Variants in NCS1 observed in about 807,000 individuals in gnomAD.
NCS1 encodes the protein frequenin homolog.
Under a neutral mutation model 28.4 loss-of-function variants are expected in NCS1, and 6 were observed. That is an observed-to-expected ratio of 0.21 (90% CI 0.12 to 0.42). The LOEUF is 0.42. NCS1 is among the 10% of genes least tolerant of loss of function. NCS1 has a pLI of 1.00. For synonymous variants in NCS1, 86 were observed against 99.3 expected, an observed-to-expected ratio of 0.87 and a Z score of 0.79; for missense variants, 131 against 241.4, an observed-to-expected ratio of 0.54 and a Z score of 3.03.
rs185725808 is a variant in NCS1 at position 130,200,437 on chromosome 9, C to T, written c.65-521C>T. On this transcript the variant is annotated intron_variant, in intron 1 of 7. Transcript: ENST00000372398. ...CCAGTGAAAGAGCCCGGGCTGACCA[C>T]AGAGAGGGGCTGCAGGGACAGGCTG... 462 of 771,692 alleles carry T rather than the reference C, an allele frequency of 6.0e-4. 3 individuals are homozygous for T. In the East Asian group the frequency reaches 0.011, roughly 18 times the overall value. The allele number at this position is 771,692 out of a possible 1,614,324, so 47.8% of individuals were successfully genotyped here.
intron 2 of NCS1, among the ~76,000 whole-genome samples, chr9:130,216,705 G>A (rs1461547770): frequency 6.8e-6 from 1 of 147,816 alleles, no homozygotes; most frequent in African/African-American, 2.5e-5. Flanking sequence ...GACACAGTGA[G>A]ACTCTGTCTC....
At position 130,221,211 on chromosome 9, in the gene NCS1, A is replaced by T. The variant is rs539196991; in HGVS notation, c.307+1408A>T. 1.1e-4 allele frequency among the ~76,000 whole-genome samples: 16 copies of T among 151,162 alleles called. No individual in the cohort carries two copies. In the South Asian group the frequency reaches 1.9e-3, roughly 18 times the overall value. ...GCTAATTTTTGTGTTTTTAGTAGAA[A>T]TGGGGTTTCGCCATGTTGGCCAGGC... is the stretch of plus-strand genomic sequence containing the variant. On this transcript the variant is annotated intron_variant, in intron 4 of 7. Transcript: ENST00000372398.
At position 130,221,407 on chromosome 9, in the gene NCS1, TATATATAGAGAG is replaced by T. The variant is rs1380726074; in HGVS notation, c.308-1241_308-1230del. Among the ~76,000 whole-genome samples the T allele has an allele frequency of 6.3e-3, 270 of 42,642 alleles. 1 individual carries two copies. The highest frequency in any genetic ancestry group is 0.019 in the East Asian group (34 of 1,784). The allele number at this position is 42,642 out of a possible 152,430, so 28.0% of individuals were successfully genotyped here. ...ATATATATATATATATATATATATATATATATAGAGAGAGAGAGAGAGAGAGAGAGAGAGAGA... is the reference window on the plus strand; with the variant it reads ...ATATATATATATATATATATATATATAGAGAGAGAGAGAGAGAGAGAGAGA... On this transcript the variant is annotated intron_variant, in intron 4 of 7. Transcript: ENST00000372398.
Position 130,235,616 on chromosome 9 carries a change from C to T in NCS1, c.*2644C>T, listed in dbSNP as rs562427418. The T allele has an allele frequency of 2.0e-5, 3 of 152,482 alleles. No homozygotes were observed. The highest frequency in any genetic ancestry group is 1.9e-4 in the East Asian group (1 of 5,174). The allele number at this position is 152,482 out of a possible 1,614,324, so 9.4% of individuals were successfully genotyped here. ...CCAGCATGCCGGTGGGCCCACAGCCCGAGCCAGCCCAGAGCTGCCGGAAGG... is the reference window on the plus strand; with the variant it reads ...CCAGCATGCCGGTGGGCCCACAGCCTGAGCCAGCCCAGAGCTGCCGGAAGG... On this transcript the variant is annotated 3_prime_UTR_variant, in exon 8 of 8. Transcript: ENST00000372398.
chr9:130,189,661 G>A (rs1454671658), intron 1 of NCS1, among the ~76,000 whole-genome samples: 2 of 151,792 alleles, frequency 1.3e-5, no homozygotes. Flanking sequence ...AGTCAACATG[G>A]TGAAACCCTG....
In NCS1 at chr9:130,185,804, C is replaced by T. The variant is rs76547616; in HGVS notation, c.64+13077C>T. Among the ~76,000 whole-genome samples, 763 of 152,388 alleles carry T rather than the reference C, an allele frequency of 5.0e-3. 9 individuals carry two copies. The highest frequency in any genetic ancestry group is 0.017 in the African/African-American group (702 of 41,600). ...CTTGCCCCTCGGCCAGTGGCCCCACCACCCCCTGCGCGCCCAGCAGCCCAC... is the reference window on the plus strand; with the variant it reads ...CTTGCCCCTCGGCCAGTGGCCCCACTACCCCCTGCGCGCCCAGCAGCCCAC... On this transcript the variant is annotated intron_variant, in intron 1 of 7. Coordinates refer to ENST00000372398, the MANE Select transcript of NCS1 (RefSeq NM_014286.4).
intron 4 of NCS1, among the ~76,000 whole-genome samples, chr9:130,222,103 T>TAA (rs1833335002): frequency 3.3e-5 from 2 of 61,172 alleles, no homozygotes; most frequent in African/African-American, 6.0e-5. Context: ...TGTGTGTGTA[T>TAA]ATATATATAC....
intron 4 of NCS1, among the ~76,000 whole-genome samples, chr9:130,221,809 A>C (rs1421587481): frequency 8.1e-6 from 1 of 124,136 alleles, no homozygotes. Flanking sequence ...ATATATATAC[A>C]TAAATATAAA....
chr9:130,208,577 A>G (rs782812755), intron 2 of NCS1, among the ~76,000 whole-genome samples: 3 of 152,280 alleles, frequency 2.0e-5, no homozygotes, highest in Non-Finnish European at 2.9e-5. Flanking sequence ...GCCTGACTCT[A>G]CAATGGGTTT....
chr9:130,228,674 T>TC (rs1385663211), intron 7 of NCS1, among the ~76,000 whole-genome samples: 12 of 151,030 alleles, frequency 7.9e-5, no homozygotes, highest in East Asian at 3.9e-4. Flanking sequence ...TTTCTTTCTT[T>TC]TTTTTTTTTT....
intron 1 of NCS1, among the ~76,000 whole-genome samples, chr9:130,178,842 C>CTCCCTTCTT (rs1554904880): frequency 8.6e-5 from 1 of 11,580 alleles, no homozygotes; most frequent in African/African-American, 4.0e-4. Flanking sequence ...TTTCCCTCCC[C>CTCCCTTCTT]TCCCCTCCCC....
At chr9:130,231,117 G>A (rs1377799126) in intron 7 of NCS1, among the ~76,000 whole-genome samples, 9 of 152,018 alleles carry the variant, frequency 5.9e-5, no homozygotes, top group East Asian at 1.9e-4. Context: ...TTGGGAGGTC[G>A]AGCTGTGTGG....
Position 130,226,982 on chromosome 9 carries a change from C to T in NCS1, c.*17+478C>T, listed in dbSNP as rs1833424583. ...AGATTGCAGTGAGCCGAGATCGTGC[C>T]ACTGCACTCCAGCCTGGGTAACAGA... On this transcript the variant is annotated intron_variant, in intron 7 of 7. Coordinates refer to ENST00000372398, the MANE Select transcript of NCS1 (RefSeq NM_014286.4). This position sits in a 1 kb window ranked among gnomAD's most constrained non-coding sequence, Gnocchi z 4.8. Among the ~76,000 whole-genome samples, 1 of 143,242 alleles carries T rather than the reference C, an allele frequency of 7.0e-6. No individual in the cohort carries two copies. The highest frequency in any genetic ancestry group is 1.5e-5 in the Non-Finnish European group (1 of 67,038). 94.0% of individuals were successfully genotyped at this position (143,242 alleles called of 152,430 possible).
intron 2 of NCS1, among the ~76,000 whole-genome samples, chr9:130,213,347 G>A (rs1232225068): frequency 3.3e-5 from 5 of 151,890 alleles, no homozygotes; most frequent in African/African-American, 4.8e-5. Flanking sequence ...GCGTGATCTC[G>A]GCTCACTGCA....
At chr9:130,185,437 AG>A (rs1554905538) in intron 1 of NCS1, among the ~76,000 whole-genome samples, 3 of 151,088 alleles carry the variant, frequency 2.0e-5, no homozygotes, top group South Asian at 2.1e-4. Context: ...GGGCTGGGGG[AG>A]GGGGGTTTTC....
In NCS1 at chr9:130,218,280, A is replaced by G. The variant is rs374263512; in HGVS notation, c.228+310A>G. Among the ~76,000 whole-genome samples, 55 of 152,372 alleles carry G rather than the reference A, an allele frequency of 3.6e-4. No homozygotes were observed. The South Asian group carries it at 4.1e-3, about 11-fold the overall frequency. ...GTATGTGCACATGCAGGCGAATACCATGCACACATGTGGGCACACATACAT... is the reference window on the plus strand; with the variant it reads ...GTATGTGCACATGCAGGCGAATACCGTGCACACATGTGGGCACACATACAT... On this transcript the variant is annotated intron_variant, in intron 3 of 7. Coordinates refer to ENST00000372398, the MANE Select transcript of NCS1 (RefSeq NM_014286.4).
At position 130,190,573 on chromosome 9, in the gene NCS1, A is replaced by G. The variant is rs139871085; in HGVS notation, c.65-10385A>G. 2.0e-5 allele frequency among the ~76,000 whole-genome samples: 3 copies of G among 152,324 alleles called. No individual in the cohort carries two copies. In the East Asian group the frequency reaches 5.8e-4, roughly 29 times the overall value. ...GTCACTCAGCCAGTCAAAGCAAGTT[A>G]ACAGATCAGCAGATACTGAGGACCT... On this transcript the variant is annotated intron_variant, in intron 1 of 7. Transcript: ENST00000372398.
chr9:130,220,768 A>T (rs1437900861), intron 4 of NCS1, among the ~76,000 whole-genome samples: 8 of 148,046 alleles, frequency 5.4e-5, no homozygotes, highest in African/African-American at 1.7e-4. Flanking sequence ...TTTTTTTTTT[A>T]AGAAATAAAA....
At chr9:130,201,806 G>T (rs1381123584) in intron 2 of NCS1, among the ~76,000 whole-genome samples, 1 of 152,148 alleles carries the variant, frequency 6.6e-6, no homozygotes, top group Non-Finnish European at 1.5e-5. Context: ...AGCCCTTGCT[G>T]GGAGGTGCCC....
Sources: allele counts gnomAD v4.1 joint callset (sites outside exome capture counted in the v4.1 genomes callset), GRCh38; gene constraint gnomAD v4.1.1; non-coding constraint Gnocchi (gnomAD v3.1); transcripts MANE v1.5; gene names NCBI Gene and HGNC (gene_info 2026-07-23, HGNC 2026-07-21).